The following SCIN variants were observed in gnomAD, a reference collection of about 807,000 sequenced individuals.
SCIN encodes adseverin.
In SCIN, 91 loss-of-function variants were observed where a neutral mutation model predicts 91.8. The observed-to-expected ratio is 0.99, with a 90% confidence interval of 0.84 to 1.18. The LOEUF is 1.18. Among genes scored for constraint, SCIN ranks in the 50% most tolerant of loss-of-function variants. The pLI, the probability that SCIN is intolerant of heterozygous loss-of-function variation, is 0.00. For missense variants in SCIN, 1,087 were observed against 863.9 expected, an observed-to-expected ratio of 1.26 and a Z score of -3.24; for synonymous variants, 367 against 312.6, an observed-to-expected ratio of 1.17 and a Z score of -1.84.
chr7:12,573,371 GA>G (rs889094680), intron 1 of SCIN, among the ~76,000 whole-genome samples: 1 of 152,066 alleles, frequency 6.6e-6, no homozygotes, highest in African/African-American at 2.4e-5. Context: ...GGCCAAATGG[GA>G]GGCAAAAAGG....
chr7:12,630,573 C>T (rs1022203813), intron 9 of SCIN, among the ~76,000 whole-genome samples: 1 of 152,252 alleles, frequency 6.6e-6, no homozygotes, highest in South Asian at 2.1e-4. Flanking sequence ...ACGCCACAGT[C>T]AATCCATATG....
rs1180987521 is a variant in SCIN, at chr7:12,653,728, C to G, written c.*1013C>G. 6.6e-6 allele frequency: 1 copy of G among 152,078 alleles called. No homozygotes were observed. The highest frequency in any genetic ancestry group is 1.9e-4 in the East Asian group (1 of 5,180). The allele number at this position is 152,078 out of a possible 1,614,324, so 9.4% of individuals were successfully genotyped here. ...AGGGGAGTATCCCAGGGAGCAGAGC[C>G]AAGTTCAAGTAAGTTAACGATATCA... On this transcript the variant is annotated 3_prime_UTR_variant, in exon 16 of 16. Coordinates refer to ENST00000297029, the MANE Select transcript of SCIN (RefSeq NM_001112706.3). This position sits in a 1 kb window ranked among gnomAD's most constrained non-coding sequence, Gnocchi z 4.1.
chr7:12,608,678 TC>T (rs1269990152), intron 4 of SCIN, among the ~76,000 whole-genome samples: 1 of 151,984 alleles, frequency 6.6e-6, no homozygotes, highest in Non-Finnish European at 1.5e-5. Context: ...GGGGTTTCAC[TC>T]TGTTGGCCAG....
rs1784127414 is a variant in SCIN, at chr7:12,653,835, G to T, written c.*1120G>T. The T allele has an allele frequency of 6.6e-6, 1 of 152,152 alleles. No homozygotes were observed. The highest frequency in any genetic ancestry group is 2.4e-5 in the African/African-American group (1 of 41,454). The allele number at this position is 152,152 out of a possible 1,614,324, so 9.4% of individuals were successfully genotyped here. A position where few individuals can be genotyped will look rare whatever the true frequency, so the allele number is the denominator to read the frequency against. ...TTTCAGCAAAGCTACAGAAAAGTGA[G>T]TTTTTATGTTTTCCATTCTTCCCTT... On this transcript the variant is annotated 3_prime_UTR_variant, in exon 16 of 16. Transcript: ENST00000297029. The surrounding 1 kb of genome is among the most constrained non-coding windows in gnomAD (Gnocchi z 4.1).
intron 4 of SCIN, 110 bp downstream of exon 4, chr7:12,604,773 T>C: frequency 3.6e-4 from 269 of 745,034 alleles, no homozygotes; most frequent in Non-Finnish European, 5.2e-4. Flanking sequence ...GGGAAAGAGA[T>C]TCAACACATG....
At chr7:12,611,756 A>G (rs753778964) in intron 4 of SCIN, among the ~76,000 whole-genome samples, 2 of 152,124 alleles carry the variant, frequency 1.3e-5, no homozygotes, top group Non-Finnish European at 2.9e-5. Context: ...AATGGTATAA[A>G]TAAATATATA....
intron 8 of SCIN, 103 bp from the exon 9 acceptor site, chr7:12,628,993 TAAAAG>T: frequency 1.1e-6 from 1 of 944,872 alleles, no homozygotes; most frequent in Non-Finnish European, 1.5e-6. Flanking sequence ...ATAAATAATT[TAAAAG>T]TTGTTTAATA....
Position 12,649,467 on chromosome 7 carries a change from A to T in SCIN, c.1882A>T (p.Ile628Phe). Residue 628 changes from isoleucine (I) to phenylalanine (F), a missense_variant and splice_region_variant, in exon 14 of 16, where the codon ATT (isoleucine) becomes TTT (phenylalanine). Physicochemically the swap from Ile to Phe is conservative, Grantham distance 21 (BLOSUM62 0). Transcript: ENST00000297029. ...GCSNKTGRFV[I>F]EEIPGEFTQD... ...TCATATAGCTTTTTATACCTTTCAG[A>T]TTGAAGAGATTCCAGGAGAGTTCAC... 3 of 1,589,688 alleles carry T rather than the reference A, an allele frequency of 1.9e-6. No homozygotes were observed. Among genetic ancestry groups the T allele is most frequent in the Non-Finnish European group, 2.6e-6 (3 of 1,166,460 alleles).
chr7:12,625,179 T>A, intron 6 of SCIN, 37 bp downstream of exon 6: 1 of 1,564,092 alleles, frequency 6.4e-7, no homozygotes, highest in South Asian at 1.2e-5. Flanking sequence ...ATTTCAGATT[T>A]ATAGATATTT....
chr7:12,617,499 G>A (rs578257078), intron 4 of SCIN, among the ~76,000 whole-genome samples: 1 of 152,214 alleles, frequency 6.6e-6, no homozygotes, highest in South Asian at 2.1e-4. Context: ...TGGGTTTGAA[G>A]CCTTAGGGAA....
At chr7:12,603,797 T>A (rs769488232) in intron 3 of SCIN, among the ~76,000 whole-genome samples, 40 of 152,130 alleles carry the variant, frequency 2.6e-4, no homozygotes, top group Non-Finnish European at 5.0e-4. Context: ...AAGTATCAAA[T>A]TTTCCCTATA....
intron 4 of SCIN, among the ~76,000 whole-genome samples, chr7:12,622,016 A>G (rs1458137700): frequency 1.3e-5 from 2 of 151,850 alleles, no homozygotes; most frequent in East Asian, 3.8e-4. Flanking sequence ...TATAAAAATT[A>G]AATTATTTAA....
At chr7:12,588,461 A>T (rs2115223882) in intron 3 of SCIN, among the ~76,000 whole-genome samples, 2 of 152,200 alleles carry the variant, frequency 1.3e-5, no homozygotes, top group South Asian at 4.2e-4. Flanking sequence ...AGCCGAGAGA[A>T]AGGACGAGAG....
rs34655310 is a variant in SCIN at position 12,651,549 on chromosome 7, GT to G, written c.1960-283del. Among the ~76,000 whole-genome samples the G allele has an allele frequency of 6.7e-6, 1 of 150,344 alleles. No individual in the cohort carries two copies. Among genetic ancestry groups the G allele is most frequent in the Admixed American group, 6.6e-5 (1 of 15,094 alleles). On this transcript the variant is annotated intron_variant, in intron 14 of 15. Coordinates refer to ENST00000297029, the MANE Select transcript of SCIN (RefSeq NM_001112706.3). The surrounding 1 kb of genome is among the most constrained non-coding windows in gnomAD (Gnocchi z 5.9). Reference sequence around the variant, plus strand: ...AAAAAAAAGTCCACCCAGACAATCTGTTTTTTTTTGTGAAAGATCACTTTAC... The same window carrying G: ...AAAAAAAAGTCCACCCAGACAATCTGTTTTTTTTGTGAAAGATCACTTTAC...
intron 1 of SCIN, 56 bp downstream of exon 1, chr7:12,571,041 G>T: frequency 1.3e-6 from 2 of 1,497,444 alleles, no homozygotes; most frequent in East Asian, 2.5e-5. Context: ...AGGGGAGGGC[G>T]TAGGGGTCTG....
At chr7:12,622,482 T>C (rs1286079483) in intron 4 of SCIN, among the ~76,000 whole-genome samples, 1 of 152,116 alleles carries the variant, frequency 6.6e-6, no homozygotes, top group Non-Finnish European at 1.5e-5. Flanking sequence ...GAGCTGAACA[T>C]AGAGCTCAAA....
intron 4 of SCIN, among the ~76,000 whole-genome samples, chr7:12,611,744 A>G (rs549109240): frequency 6.6e-6 from 1 of 152,196 alleles, no homozygotes; most frequent in African/African-American, 2.4e-5. Flanking sequence ...GCTTTATAGG[A>G]AAATGGTATA....
intron 13 of SCIN, among the ~76,000 whole-genome samples, chr7:12,645,147 C>T (rs1783937136): frequency 6.6e-6 from 1 of 151,628 alleles, no homozygotes; most frequent in South Asian, 2.1e-4. Flanking sequence ...GGTGAAACCC[C>T]CTCTCTACTA....
intron 4 of SCIN, among the ~76,000 whole-genome samples, chr7:12,612,962 C>T (rs1052944991): frequency 6.6e-6 from 1 of 152,132 alleles, no homozygotes; most frequent in African/African-American, 2.4e-5. Flanking sequence ...GCAATCATCT[C>T]TGAATGAGTT....
Sources: allele counts gnomAD v4.1 joint callset (sites outside exome capture counted in the v4.1 genomes callset), GRCh38; gene constraint gnomAD v4.1.1; non-coding constraint Gnocchi (gnomAD v3.1); transcripts MANE v1.5; gene names NCBI Gene and HGNC (gene_info 2026-07-23, HGNC 2026-07-21).